The following OTUD7A variants were observed in gnomAD, a reference collection of about 807,000 sequenced individuals.
OTUD7A encodes the protein OTU deubiquitinase 7A.
OTUD7A carries 12 observed loss-of-function variants against 65.7 expected under a neutral mutation model. That is an observed-to-expected ratio of 0.18 (90% CI 0.12 to 0.30). The LOEUF is 0.30. Ranked by LOEUF, OTUD7A falls within the 10% of genes least tolerant of loss-of-function variation. The probability of loss-of-function intolerance (pLI) is 1.00; values close to 1 mark genes in which losing one functional copy is unlikely to be tolerated. For synonymous variants in OTUD7A, 641 were observed against 586.3 expected (o/e 1.09, Z -1.35); for missense variants, 1,148 against 1,304.8 (o/e 0.88, Z 1.85).
intron 8 of OTUD7A, among the ~76,000 whole-genome samples, chr15:31,525,161 G>A (rs535495680): frequency 6.6e-6 from 1 of 152,344 alleles, no homozygotes; most frequent in African/African-American, 2.4e-5. Context: ...TGGCAGGAGG[G>A]AGAGAGGCAA....
Position 31,484,255 on chromosome 15 carries a change from G to T in OTUD7A, c.1841C>A (p.Pro614Gln). ...GASPAEKGGGPRGDAWKYSTD... is the reference protein window; with the variant it reads ...GASPAEKGGGQRGDAWKYSTD... ...GCTGTACTTCCAGGCGTCGCCCCGC[G>T]GCCCACCGCCCTTCTCCGCCGGCGA... Residue 614 changes from proline to glutamine, a missense_variant, in exon 13 of 13, where the codon CCG becomes CAG. By Grantham distance (76) the Pro-to-Gln change is moderately conservative. Coordinates refer to ENST00000307050, the MANE Select transcript of OTUD7A (RefSeq NM_001382637.1). The surrounding 1 kb of genome is among the most constrained non-coding windows in gnomAD (Gnocchi z 4.5). 6.3e-7 allele frequency: 1 copy of T among 1,596,692 alleles called. No individual in the cohort carries two copies.
chr15:31,754,936 T>C (rs1894766335), intron 1 of OTUD7A, among the ~76,000 whole-genome samples: 1 of 152,104 alleles, frequency 6.6e-6, no homozygotes. Context: ...TCTCCTGGAA[T>C]AACTGGTTGG....
intron 3 of OTUD7A, among the ~76,000 whole-genome samples, chr15:31,582,556 G>A (rs1889404331): frequency 6.6e-6 from 1 of 152,222 alleles, no homozygotes; most frequent in South Asian, 2.1e-4. Context: ...GAAGGTGAAT[G>A]AGGAGCAAAG....
chr15:31,656,322 T>C (rs1040871839), intron 2 of OTUD7A, among the ~76,000 whole-genome samples: 5 of 152,208 alleles, frequency 3.3e-5, no homozygotes, highest in African/African-American at 9.7e-5. Context: ...TGTGTTTGTG[T>C]AGATAAGAGG....
rs527477190 is a variant in OTUD7A, at chr15:31,572,341, G to A, written c.152-2144C>T. On this transcript the variant is annotated intron_variant, in intron 3 of 12. Coordinates refer to ENST00000307050, the MANE Select transcript of OTUD7A (RefSeq NM_001382637.1). ...AAGCAGCAAGACAGTATAGCTGTAT[G>A]GAAGAAGACCTTAACCAAAATAATT... Among the ~76,000 whole-genome samples the A allele has an allele frequency of 9.9e-5, 15 of 152,200 alleles. No individual in the cohort carries two copies. In the South Asian group the frequency reaches 2.5e-3, roughly 25 times the overall value.
chr15:31,716,208 TA>T (rs1893578312), intron 1 of OTUD7A, among the ~76,000 whole-genome samples: 1 of 39,212 alleles, frequency 2.6e-5, no homozygotes, highest in Non-Finnish European at 7.2e-5. Flanking sequence ...AAAATACATA[TA>T]ACATAATACA....
At chr15:31,851,196 G>C (rs922558002) in intron 1 of OTUD7A, among the ~76,000 whole-genome samples, 1 of 152,222 alleles carries the variant, frequency 6.6e-6, no homozygotes, top group Non-Finnish European at 1.5e-5. Flanking sequence ...AAGTGGATTT[G>C]ACATGGATTA....
chr15:31,662,147 T>C (rs968023365), intron 1 of OTUD7A, among the ~76,000 whole-genome samples: 2 of 152,220 alleles, frequency 1.3e-5, no homozygotes, highest in African/African-American at 4.8e-5. Context: ...CTGATGATCA[T>C]TGCCTAGACC....
At chr15:31,681,281 A>G (rs1469779103) in intron 1 of OTUD7A, among the ~76,000 whole-genome samples, 11 of 151,296 alleles carry the variant, frequency 7.3e-5, no homozygotes, top group African/African-American at 2.4e-4. Context: ...CATCCTGTCT[A>G]TTTCTACCTG....
In OTUD7A at chr15:31,649,870, T is replaced by G. The variant is rs12904841; in HGVS notation, c.151+5226A>C. ...GACCACAGTTGGAAGTGCCACAGAG[T>G]TGGAGGTGAGCGAGACACTTCCCTT... On this transcript the variant is annotated intron_variant, in intron 3 of 12. Coordinates refer to ENST00000307050, the MANE Select transcript of OTUD7A (RefSeq NM_001382637.1). The G allele has an allele frequency of 2.1e-4, 72 of 335,412 alleles. 1 individual carries two copies. Among genetic ancestry groups the G allele is most frequent in the Admixed American group, 1.9e-3 (69 of 37,040 alleles). The allele number at this position is 335,412 out of a possible 1,614,324, so 20.8% of individuals were successfully genotyped here.
At chr15:31,496,199 C>A (rs915565299) in intron 10 of OTUD7A, among the ~76,000 whole-genome samples, 3 of 151,650 alleles carry the variant, frequency 2.0e-5, no homozygotes, top group South Asian at 2.1e-4. Context: ...CACAAATAGA[C>A]CAATTTGATT....
At chr15:31,572,836 A>G (rs1889092223) in intron 3 of OTUD7A, among the ~76,000 whole-genome samples, 2 of 152,198 alleles carry the variant, frequency 1.3e-5, no homozygotes, top group South Asian at 4.1e-4. Flanking sequence ...AGTAAAGTAG[A>G]CAAAACAGAA....
At chr15:31,832,437 A>T (rs1040933751) in intron 1 of OTUD7A, among the ~76,000 whole-genome samples, 2 of 151,590 alleles carry the variant, frequency 1.3e-5, no homozygotes, top group Non-Finnish European at 2.9e-5. Context: ...TTGATACTTT[A>T]AAAAAAAATA....
At chr15:31,680,057 C>T (rs565421137) in intron 1 of OTUD7A, among the ~76,000 whole-genome samples, 7 of 151,976 alleles carry the variant, frequency 4.6e-5, no homozygotes, top group Admixed American at 6.6e-5. Flanking sequence ...AATACAAATT[C>T]GACAAGATAA....
At chr15:31,577,642 C>T (rs1472075317) in intron 3 of OTUD7A, among the ~76,000 whole-genome samples, 1 of 151,986 alleles carries the variant, frequency 6.6e-6, no homozygotes, top group Non-Finnish European at 1.5e-5. Context: ...TAAGACTGTT[C>T]CCTGGGTCAT....
intron 3 of OTUD7A, among the ~76,000 whole-genome samples, chr15:31,629,180 A>G (rs1286112523): frequency 6.6e-6 from 1 of 152,278 alleles, no homozygotes; most frequent in East Asian, 1.9e-4. Flanking sequence ...CAGTTTTCAA[A>G]GGGAATGCTT....
Position 31,770,320 on chromosome 15 carries a change from T to C in OTUD7A, c.-100+100187A>G, listed in dbSNP as rs368561977. 2.6e-5 allele frequency among the ~76,000 whole-genome samples: 4 copies of C among 152,288 alleles called. No individual in the cohort carries two copies. The East Asian group carries it at 7.7e-4, about 29-fold the overall frequency. ...ATGTAAAAAAGTCAGAAAACTCATATTAAGTGGACAAATTCTTAGAAATAT... is the reference window on the plus strand; with the variant it reads ...ATGTAAAAAAGTCAGAAAACTCATACTAAGTGGACAAATTCTTAGAAATAT... On this transcript the variant is annotated intron_variant, in intron 1 of 12. Transcript: ENST00000307050.
intron 1 of OTUD7A, among the ~76,000 whole-genome samples, chr15:31,779,281 G>T (rs1895472667): frequency 6.6e-6 from 1 of 152,142 alleles, no homozygotes; most frequent in African/African-American, 2.4e-5. Context: ...CTGAAAAACA[G>T]CTCTCCTCAG....
chr15:31,726,490 G>T (rs1893892573), intron 1 of OTUD7A, among the ~76,000 whole-genome samples: 1 of 152,148 alleles, frequency 6.6e-6, no homozygotes, highest in Non-Finnish European at 1.5e-5. Context: ...AAAAAGGAAA[G>T]GGAGATCTAA....
Sources: allele counts gnomAD v4.1 joint callset (sites outside exome capture counted in the v4.1 genomes callset), GRCh38; gene constraint gnomAD v4.1.1; non-coding constraint Gnocchi (gnomAD v3.1); transcripts MANE v1.5; gene names NCBI Gene and HGNC (gene_info 2026-07-23, HGNC 2026-07-21).